Variants in SNX31 observed in about 807,000 individuals in gnomAD.
SNX31 encodes sorting nexin 31.
In SNX31, 58 loss-of-function variants were observed where a neutral mutation model predicts 65.4. The ratio of observed to expected loss-of-function variants is 0.89; its 90% CI spans 0.72 to 1.10. The LOEUF is 1.10. Ranked by LOEUF, SNX31 falls within the 50% of genes least tolerant of loss-of-function variation. The pLI is 0.00. For missense variants in SNX31, 523 were observed against 529.7 expected (o/e 0.99, Z 0.12); for synonymous variants, 181 against 190.1 (o/e 0.95, Z 0.39).
At chr8:100,603,911 T>TA (rs1815897828) in intron 8 of SNX31, among the ~76,000 whole-genome samples, 1 of 152,222 alleles carries the variant, frequency 6.6e-6, no homozygotes, top group Non-Finnish European at 1.5e-5. Context: ...CTAATTTTTG[T>TA]ATTTTTAGTA....
In SNX31 at chr8:100,577,027, GTTGAATGTGGTAT is replaced by G; in HGVS notation, c.1206_1218del (p.Lys402AsnfsTer20). On this transcript the variant is annotated frameshift_variant, in exon 13 of 14. Transcript: ENST00000311812. LOFTEE classifies it high-confidence loss of function. ...TAATTTTACTCACAGACCTGGCTTT[GTTGAATGTGGTAT>G]TTTTTACTTTTGCTTTGTTCCGGAA... 6.2e-7 allele frequency: 1 copy of G among 1,612,972 alleles called. No individual in the cohort carries two copies. Among genetic ancestry groups the G allele is most frequent in the African/African-American group, 1.3e-5 (1 of 75,006 alleles).
In SNX31 at chr8:100,618,825, T is replaced by A. The variant is rs536551468; in HGVS notation, c.322-1095A>T. ...CCACCCTCCCAGCACCGCCACTTGC[T>A]CGCCAACCTGGAAGCTCTTCAAACC... is the stretch of plus-strand genomic sequence containing the variant. On this transcript the variant is annotated intron_variant, in intron 4 of 13. Coordinates refer to ENST00000311812, the MANE Select transcript of SNX31 (RefSeq NM_152628.4). 2.4e-5 allele frequency: 4 copies of A among 167,508 alleles called. No individual in the cohort carries two copies. The South Asian group carries it at 6.4e-4, about 27-fold the overall frequency. The allele number at this position is 167,508 out of a possible 1,614,324, so 10.4% of individuals were successfully genotyped here.
At position 100,612,199 on chromosome 8, in the gene SNX31, G is replaced by A. The variant is rs1202226584; in HGVS notation, c.524-112C>T. 3.0e-6 allele frequency: 2 copies of A among 659,866 alleles called. No individual in the cohort carries two copies. The highest frequency in any genetic ancestry group is 5.3e-6 in the Non-Finnish European group (2 of 377,742). 40.9% of individuals were successfully genotyped at this position (659,866 alleles called of 1,614,324 possible). A position where few individuals can be genotyped will look rare whatever the true frequency, so the allele number is the denominator to read the frequency against. The stretch of plus-strand genomic sequence containing the variant: ...TATTATTGGAAATAATAAAATCACA[G>A]TAAGAATATCCTCTGTATTTACACG... On this transcript the variant is annotated intron_variant, in intron 6 of 13. Transcript: ENST00000311812. This position sits in a 1 kb window ranked among gnomAD's most constrained non-coding sequence, Gnocchi z 4.3.
chr8:100,595,309 T>TTG (rs1196449905), intron 10 of SNX31, among the ~76,000 whole-genome samples: 1 of 140,018 alleles, frequency 7.1e-6, no homozygotes, highest in African/African-American at 3.3e-5. Flanking sequence ...TAGAGGGAAT[T>TTG]TGTTGTTTTT....
chr8:100,618,410 G>A (rs1817422813), intron 4 of SNX31: 2 of 1,268,276 alleles, frequency 1.6e-6, no homozygotes, highest in African/African-American at 1.5e-5. Flanking sequence ...GGGGGCAGGG[G>A]GAAGGTGTTT....
chr8:100,605,671 T>C (rs943729354), intron 8 of SNX31, among the ~76,000 whole-genome samples: 2 of 152,200 alleles, frequency 1.3e-5, no homozygotes, highest in Non-Finnish European at 2.9e-5. Context: ...AGAATTCATT[T>C]CTGAAACTGC....
chr8:100,600,522 G>T, intron 8 of SNX31, 81 bp from the exon 9 acceptor site: 1 of 1,176,886 alleles, frequency 8.5e-7, no homozygotes, highest in Non-Finnish European at 1.2e-6. Context: ...TGTATGAAGG[G>T]ATATAAAAAC....
chr8:100,616,577 A>C (rs575652867), intron 5 of SNX31, among the ~76,000 whole-genome samples: 2 of 152,364 alleles, frequency 1.3e-5, no homozygotes, highest in Non-Finnish European at 2.9e-5. Context: ...ACTATGCTGG[A>C]AATCAATACA....
chr8:100,600,846 C>A (rs901186358), intron 8 of SNX31, among the ~76,000 whole-genome samples: 15 of 151,832 alleles, frequency 9.9e-5, no homozygotes, highest in Admixed American at 5.2e-4. Context: ...TTATGTGAAA[C>A]ATAAAACTTC....
At chr8:100,615,107 G>A (rs1253004169) in intron 5 of SNX31, among the ~76,000 whole-genome samples, 1 of 152,188 alleles carries the variant, frequency 6.6e-6, no homozygotes, top group Non-Finnish European at 1.5e-5. Context: ...ACCTGTTATG[G>A]AAACTACCAC....
rs1195475355 is a variant in SNX31 at position 100,648,554 on chromosome 8, G to C, written c.141+720C>G. Among the ~76,000 whole-genome samples the C allele has an allele frequency of 6.6e-6, 1 of 152,142 alleles. No homozygotes were observed. The highest frequency in any genetic ancestry group is 1.5e-5 in the Non-Finnish European group (1 of 68,018). On this transcript the variant is annotated intron_variant, in intron 2 of 13. Coordinates refer to ENST00000311812, the MANE Select transcript of SNX31 (RefSeq NM_152628.4). The surrounding 1 kb of genome is among the most constrained non-coding windows in gnomAD (Gnocchi z 4.3). Reference sequence around the variant, plus strand: ...AATCACTATTCATGGGGGAGTGGAGGAGGAGTGTAAAGTTTATTTCTAAAC... The same window carrying C: ...AATCACTATTCATGGGGGAGTGGAGCAGGAGTGTAAAGTTTATTTCTAAAC...
Position 100,636,663 on chromosome 8 carries a change from T to G in SNX31, c.142-652A>C, listed in dbSNP as rs768226195. On this transcript the variant is annotated intron_variant, in intron 2 of 13. Transcript: ENST00000311812. ...ATTAATTCCATCTGTTTCCTTTTAC[T>G]CTTTTTAATGTGCCTATCAGAAAAT... 3.5e-4 allele frequency among the ~76,000 whole-genome samples: 54 copies of G among 152,342 alleles called. 1 individual carries two copies. The highest frequency in any genetic ancestry group is 4.1e-4 in the South Asian group (2 of 4,830).
chr8:100,590,631 A>AT (rs941275686), intron 10 of SNX31, among the ~76,000 whole-genome samples: 13 of 150,238 alleles, frequency 8.7e-5, no homozygotes, highest in African/African-American at 3.2e-4. Flanking sequence ...ACACACAAAA[A>AT]ATTAGCTGGG....
rs1816576023 is a variant in SNX31 at position 100,610,160 on chromosome 8, C to T, written c.612-1597G>A. Among the ~76,000 whole-genome samples the T allele has an allele frequency of 6.6e-6, 1 of 152,194 alleles. No individual in the cohort carries two copies. The highest frequency in any genetic ancestry group is 6.5e-5 in the Admixed American group (1 of 15,284). ...AGTTCCCATCAACAGAGGCAATCTG[C>T]CTAGATCTGAGATGCTGGCTAATAA... On this transcript the variant is annotated intron_variant, in intron 7 of 13. Coordinates refer to ENST00000311812, the MANE Select transcript of SNX31 (RefSeq NM_152628.4). The surrounding 1 kb of genome is among the most constrained non-coding windows in gnomAD (Gnocchi z 4.0).
chr8:100,621,416 G>T (rs1466991945), intron 4 of SNX31, among the ~76,000 whole-genome samples: 1 of 152,154 alleles, frequency 6.6e-6, no homozygotes, highest in African/African-American at 2.4e-5. Flanking sequence ...GTTAATATTT[G>T]ACTTACTGGC....
intron 2 of SNX31, among the ~76,000 whole-genome samples, chr8:100,638,029 G>T (rs769282424): frequency 6.6e-6 from 1 of 152,262 alleles, no homozygotes; most frequent in African/African-American, 2.4e-5. Flanking sequence ...AGTCAGCCAG[G>T]TGCAGTCATG....
rs1223062653 is a variant in SNX31, at chr8:100,625,401, G to A, written c.321+4926C>T. On this transcript the variant is annotated intron_variant, in intron 4 of 13. Coordinates refer to ENST00000311812, the MANE Select transcript of SNX31 (RefSeq NM_152628.4). The surrounding 1 kb of genome is among the most constrained non-coding windows in gnomAD (Gnocchi z 4.2). ...TGGATTTTCTTGGATGCGCACCATG[G>A]CTATTAGACATTCCTCTGCCTCAGA... is the stretch of plus-strand genomic sequence containing the variant. Among the ~76,000 whole-genome samples, 1 of 149,708 alleles carries A rather than the reference G, an allele frequency of 6.7e-6. No individual in the cohort carries two copies. Among genetic ancestry groups the A allele is most frequent in the Non-Finnish European group, 1.5e-5 (1 of 67,592 alleles).
chr8:100,574,046 A>T lies in SNX31; in HGVS notation c.1228-86T>A, dbSNP rs1586818429. 7.0e-6 allele frequency: 5 copies of T among 709,876 alleles called. No homozygotes were observed. The South Asian group carries it at 1.1e-4, about 15-fold the overall frequency. 44.0% of individuals were successfully genotyped at this position (709,876 alleles called of 1,614,324 possible). On this transcript the variant is annotated intron_variant, in intron 13 of 13. Transcript: ENST00000311812. The stretch of plus-strand genomic sequence containing the variant: ...ACAAAGTCACAGAGGTTAAAACAGT[A>T]TTGAAAGGGCAACAGAAAGCTTACA...
intron 2 of SNX31, among the ~76,000 whole-genome samples, chr8:100,645,528 G>A (rs1474825281): frequency 1.3e-5 from 2 of 149,516 alleles, no homozygotes; most frequent in Non-Finnish European, 3.0e-5. Context: ...ATTGTTTGTT[G>A]TTGATTTGTA....
Sources: gnomAD v4.1 joint callset for allele counts (sites outside exome capture counted in the v4.1 genomes callset) on GRCh38, gnomAD v4.1.1 for gene constraint, Gnocchi (gnomAD v3.1) non-coding constraint, MANE v1.5 for transcripts, NCBI Gene and HGNC (gene_info 2026-07-23, HGNC 2026-07-21) for gene names.